Variants in LRP5 observed in about 807,000 individuals in gnomAD.
LRP5 encodes low-density lipoprotein receptor-related protein 5.
LRP5 carries 62 observed loss-of-function variants against 154.1 expected under a neutral mutation model. That is an observed-to-expected ratio of 0.40 (90% CI 0.33 to 0.50). The LOEUF (loss-of-function observed/expected upper bound fraction) is 0.50, where lower values mean the gene tolerates loss of function less well. Among genes scored for constraint, LRP5 ranks in the 20% least tolerant of loss-of-function variants. The pLI, the probability that LRP5 is intolerant of heterozygous loss-of-function variation, is 0.55. For synonymous variants in LRP5, 966 were observed against 1,011.5 expected (o/e 0.96, Z 0.85); for missense variants, 1,915 against 2,336.7 (o/e 0.82, Z 3.72).
chr11:68,301,081 C>T, the LRP5 span, among the ~76,000 whole-genome samples: 2 of 147,718 alleles, frequency 1.4e-5, 1 homozygote, highest in Non-Finnish European at 3.1e-5. Flanking sequence ...AGACGTGCAC[C>T]ACCACGTCTG....
chr11:68,324,657 A>C (rs2098598610), intron 1 of LRP5, among the ~76,000 whole-genome samples: 1 of 152,238 alleles, frequency 6.6e-6, no homozygotes, highest in Non-Finnish European at 1.5e-5. Flanking sequence ...CCTCTTAAGG[A>C]AATGACGTTT....
chr11:68,411,694 G>T (rs1343141991), intron 11 of LRP5, 74 bp downstream of exon 11: 9 of 1,472,088 alleles, frequency 6.1e-6, no homozygotes, highest in Non-Finnish European at 7.3e-6. Context: ...CAGCCTCGCC[G>T]CACATACCCT....
rs964835629 is a variant in LRP5 at position 68,413,085 on chromosome 11, C to T, written c.2504-604C>T. ...ACTTCGTGACCGTCACCCAGCTCTG[C>T]AGCACATCCCGTGACCCAGCTCATC... On this transcript the variant is annotated intron_variant, in intron 11 of 22. Coordinates refer to ENST00000294304, the MANE Select transcript of LRP5 (RefSeq NM_002335.4). This position sits in a 1 kb window ranked among gnomAD's most constrained non-coding sequence, Gnocchi z 5.1. 2.1e-4 allele frequency: 40 copies of T among 192,564 alleles called. No homozygotes were observed. Among genetic ancestry groups the T allele is most frequent in the Admixed American group, 5.6e-4 (10 of 17,822 alleles). The allele number at this position is 192,564 out of a possible 1,614,324, so 11.9% of individuals were successfully genotyped here. A position where few individuals can be genotyped will look rare whatever the true frequency, so the allele number is the denominator to read the frequency against.
chr11:68,439,126 C>T (rs1043822856), intron 20 of LRP5, among the ~76,000 whole-genome samples: 6 of 152,204 alleles, frequency 3.9e-5, no homozygotes, highest in African/African-American at 7.2e-5. Flanking sequence ...GCACCAGGAA[C>T]GCAGGCTGTG....
intron 5 of LRP5, among the ~76,000 whole-genome samples, chr11:68,376,599 C>T (rs2098637491): frequency 1.3e-5 from 2 of 152,224 alleles, no homozygotes; most frequent in African/African-American, 4.8e-5. Context: ...CCAAGGCCTT[C>T]TCCACAGAGT....
At position 68,447,486 on chromosome 11, in the gene LRP5, C is replaced by T. The variant is rs554652531; in HGVS notation, c.4586+953C>T. ...CCCCACTCCGGGTCGGGCCACCTCC[C>T]TGATGCCTCAGTATTATATCAAACT... is the stretch of plus-strand genomic sequence containing the variant. On this transcript the variant is annotated intron_variant, in intron 22 of 22. Transcript: ENST00000294304. The surrounding 1 kb of genome is among the most constrained non-coding windows in gnomAD (Gnocchi z 4.3). Among the ~76,000 whole-genome samples, 9 of 152,336 alleles carry T rather than the reference C, an allele frequency of 5.9e-5. No individual in the cohort carries two copies. The highest frequency in any genetic ancestry group is 2.2e-4 in the African/African-American group (9 of 41,576).
At chr11:68,302,345 CAAAAAA>C in the LRP5 span, among the ~76,000 whole-genome samples, 5 of 84,438 alleles carry the variant, frequency 5.9e-5, no homozygotes, top group Non-Finnish European at 1.1e-4. Flanking sequence ...GACTCCATCT[CAAAAAA>C]AAAAAAAAAA....
chr11:68,378,097 T>C (rs1286758900), intron 5 of LRP5, among the ~76,000 whole-genome samples: 2 of 152,068 alleles, frequency 1.3e-5, no homozygotes, highest in Admixed American at 1.3e-4. Context: ...TGCGGCTGGG[T>C]GATGAGGTGG....
chr11:68,314,337 A>G (rs1280289853), intron 1 of LRP5, among the ~76,000 whole-genome samples: 2 of 152,166 alleles, frequency 1.3e-5, no homozygotes, highest in African/African-American at 2.4e-5. Flanking sequence ...TTATAGCTGT[A>G]GAGTTCAGTT....
chr11:68,448,767 TG>T (rs2098682798), intron 22 of LRP5, 41 bp from the exon 23 acceptor site: 3 of 1,599,690 alleles, frequency 1.9e-6, no homozygotes, highest in African/African-American at 1.3e-5. Context: ...CCAGGGCGGA[TG>T]TGCCTACCGA....
the LRP5 span, among the ~76,000 whole-genome samples, chr11:68,299,816 C>G: frequency 2.7e-5 from 4 of 148,844 alleles, no homozygotes; most frequent in Non-Finnish European, 3.0e-5. Context: ...CTCCTAACCT[C>G]AAGTGATCCG....
intron 8 of LRP5, among the ~76,000 whole-genome samples, chr11:68,404,797 C>T (rs1220667677): frequency 2.0e-5 from 3 of 151,832 alleles, no homozygotes; most frequent in Admixed American, 1.3e-4. Flanking sequence ...GGTGAAACCC[C>T]GTCTCTACTA....
intron 1 of LRP5, among the ~76,000 whole-genome samples, chr11:68,343,287 T>G (rs1025391310): frequency 6.6e-6 from 1 of 152,112 alleles, no homozygotes; most frequent in African/African-American, 2.4e-5. Flanking sequence ...GTGCGTGTGT[T>G]AGCAGGGGAC....
Position 68,413,763 on chromosome 11 carries a change from T to C in LRP5, c.2578T>C (p.Trp860Arg). ...GACGCAGTACAGCGATTATATCTACTGGACAGACTGGAATCTGCACAGCAT... is the reference window on the plus strand; with the variant it reads ...GACGCAGTACAGCGATTATATCTACCGGACAGACTGGAATCTGCACAGCAT... The part of the protein sequence containing the change: ...GLTQYSDYIY[W>R]TDWNLHSIER... Residue 860 changes from tryptophan to arginine, a missense_variant, in exon 12 of 23, where the codon TGG becomes CGG. By Grantham distance (101) the Trp-to-Arg change is moderately radical (BLOSUM62 -3). Coordinates refer to ENST00000294304, the MANE Select transcript of LRP5 (RefSeq NM_002335.4). This position sits in a 1 kb window ranked among gnomAD's most constrained non-coding sequence, Gnocchi z 5.1. 1.2e-6 allele frequency: 2 copies of C among 1,613,548 alleles called. No individual in the cohort carries two copies. Among genetic ancestry groups the C allele is most frequent in the Non-Finnish European group, 1.7e-6 (2 of 1,179,728 alleles).
Position 68,338,115 on chromosome 11 carries a change from C to A in LRP5, c.92-9732C>A, listed in dbSNP as rs1187000376. The stretch of plus-strand genomic sequence containing the variant: ...ATGTCTTCTGTTTCTCTGTCTCTTC[C>A]ATCATGCTGGCACTGGACGCAGGAT... On this transcript the variant is annotated intron_variant, in intron 1 of 22. Coordinates refer to ENST00000294304, the MANE Select transcript of LRP5 (RefSeq NM_002335.4). 2.0e-5 allele frequency among the ~76,000 whole-genome samples: 3 copies of A among 152,178 alleles called. No individual in the cohort carries two copies. The East Asian group carries it at 5.8e-4, about 29-fold the overall frequency.
At chr11:68,376,171 CT>C (rs60401481) in intron 5 of LRP5, among the ~76,000 whole-genome samples, 52,593 of 92,794 alleles carry the variant, frequency 0.57, 15,119 homozygotes, top group East Asian at 0.8. Context: ...GGCCCTGCTT[CT>C]TTTTTTTTTT....
At chr11:68,428,699 C>A (rs2098670222) in intron 16 of LRP5, among the ~76,000 whole-genome samples, 1 of 149,172 alleles carries the variant, frequency 6.7e-6, no homozygotes, top group Non-Finnish European at 1.5e-5. Flanking sequence ...GACCCTTTTT[C>A]CAAAAAAAGG....
chr11:68,329,239 T>G (rs1183191276), intron 1 of LRP5, among the ~76,000 whole-genome samples: 1 of 152,204 alleles, frequency 6.6e-6, no homozygotes, highest in Non-Finnish European at 1.5e-5. Flanking sequence ...AAATCTAGAC[T>G]TCATAGACAA....
At chr11:68,375,609 T>G (rs1460874612) in intron 5 of LRP5, among the ~76,000 whole-genome samples, 2 of 152,204 alleles carry the variant, frequency 1.3e-5, no homozygotes, top group African/African-American at 2.4e-5. Context: ...CTAGGGAGCT[T>G]CTTCCTCTTC....
Sources: gnomAD v4.1 joint callset for allele counts (sites outside exome capture counted in the v4.1 genomes callset) on GRCh38, gnomAD v4.1.1 for gene constraint, Gnocchi (gnomAD v3.1) non-coding constraint, MANE v1.5 for transcripts, NCBI Gene and HGNC (gene_info 2026-07-23, HGNC 2026-07-21) for gene names.